ZNF326: variants seen among roughly 807,000 people sequenced by gnomAD.
ZNF326 encodes DBIRD complex subunit ZNF326.
Under a neutral mutation model 63.1 loss-of-function variants are expected in ZNF326, and 30 were observed. That is an observed-to-expected ratio of 0.48 (90% confidence interval 0.36 to 0.64). The LOEUF (loss-of-function observed/expected upper bound fraction) is 0.64, where lower values mean the gene tolerates loss of function less well. Ranked by LOEUF, ZNF326 falls within the 30% of genes least tolerant of loss-of-function variation. The pLI, the probability that ZNF326 is intolerant of heterozygous loss-of-function variation, is 0.00. For synonymous variants in ZNF326, 194 were observed against 228.2 expected, an observed-to-expected ratio of 0.85 and a Z score of 1.35; for missense variants, 609 against 720.3, an observed-to-expected ratio of 0.85 and a Z score of 1.77.
At position 90,027,642 on chromosome 1, in the gene ZNF326, G is replaced by C. The variant is rs138644355; in HGVS notation, c.1690G>C (p.Glu564Gln). 2.7e-5 allele frequency: 43 copies of C among 1,613,954 alleles called. No homozygotes were observed. The highest frequency in any genetic ancestry group is 2.3e-4 in the Admixed American group (14 of 59,982). Residue 564 changes from glutamate to glutamine, a missense_variant, in exon 12 of 12, where the codon GAA becomes CAA. Glu to Gln is a conservative substitution (Grantham distance 29, BLOSUM62 2). This residue lies in a region of ZNF326 where 399 missense variants were observed against 444.3 expected (regional missense o/e 0.90). Coordinates refer to ENST00000340281, the MANE Select transcript of ZNF326 (RefSeq NM_182976.4). ...AGTAGAGGAAGTAGAGGAATTAGAG[G>C]AAGAGACAGCAAAGGAAGAACCTGC... Reference protein sequence around the residue: ...GEVEEVEELEEETAKEEPADF... With the variant: ...GEVEEVEELEQETAKEEPADF...
intron 9 of ZNF326, among the ~76,000 whole-genome samples, chr1:90,019,745 A>C (rs191003514): frequency 2.6e-5 from 4 of 152,210 alleles, no homozygotes; most frequent in African/African-American, 9.6e-5. Context: ...TCTGAACTCT[A>C]GTCTTACACA....
At chr1:90,000,366 T>G (rs1451964582) in intron 2 of ZNF326, among the ~76,000 whole-genome samples, 1 of 152,212 alleles carries the variant, frequency 6.6e-6, no homozygotes, top group Non-Finnish European at 1.5e-5. Flanking sequence ...CATGTTTTCC[T>G]TCTTGCTTCA....
At chr1:90,013,267 C>A in intron 7 of ZNF326, 30 bp downstream of exon 7, 2 of 1,450,238 alleles carry the variant, frequency 1.4e-6, no homozygotes, top group Non-Finnish European at 1.8e-6. Context: ...AAATTAGGTT[C>A]ATTAAAAAAT....
At chr1:90,010,781 A>G (rs1649197815) in intron 6 of ZNF326, among the ~76,000 whole-genome samples, 2 of 152,160 alleles carry the variant, frequency 1.3e-5, no homozygotes, top group African/African-American at 2.4e-5. Flanking sequence ...TGAAATTGCA[A>G]TGTTAGATTC....
At position 90,034,394 on chromosome 1, in the gene ZNF326, A is replaced by G. The variant is rs184707181; in HGVS notation, c.*6693A>G. 2 of 152,352 alleles carry G rather than the reference A, an allele frequency of 1.3e-5. No individual in the cohort carries two copies. Among genetic ancestry groups the G allele is most frequent in the African/African-American group, 2.4e-5 (1 of 41,596 alleles). The allele number at this position is 152,352 out of a possible 1,614,324, so 9.4% of individuals were successfully genotyped here. A position where few individuals can be genotyped will look rare whatever the true frequency, so the allele number is the denominator to read the frequency against. ...TTTATAATCATAGCTACGTATTTGAACACAGCGCTTAGAAATTGTCAGATA... is the reference window on the plus strand; with the variant it reads ...TTTATAATCATAGCTACGTATTTGAGCACAGCGCTTAGAAATTGTCAGATA... On this transcript the variant is annotated 3_prime_UTR_variant, in exon 12 of 12. Transcript: ENST00000340281.
In ZNF326 at chr1:90,034,590, A is replaced by G. The variant is rs1040884685; in HGVS notation, c.*6889A>G. 1 of 152,176 alleles carries G rather than the reference A, an allele frequency of 6.6e-6. No individual in the cohort carries two copies. The highest frequency in any genetic ancestry group is 1.5e-5 in the Non-Finnish European group (1 of 67,994). 9.4% of individuals were successfully genotyped at this position (152,176 alleles called of 1,614,324 possible). A position where few individuals can be genotyped will look rare whatever the true frequency, so the allele number is the denominator to read the frequency against. ...GGGTCCATCCTGTCATCACAATGCA[A>G]TGAAACAAAAAATTAGCAAGTGGAT... is the stretch of plus-strand genomic sequence containing the variant. On this transcript the variant is annotated 3_prime_UTR_variant, in exon 12 of 12. Transcript: ENST00000340281.
intron 4 of ZNF326, chr1:90,005,687 C>A: frequency 1.0e-6 from 1 of 985,108 alleles, no homozygotes; most frequent in Non-Finnish European, 1.2e-6. Flanking sequence ...CTGAACCAGT[C>A]TAACATTTAC....
intron 2 of ZNF326, among the ~76,000 whole-genome samples, chr1:90,003,128 CTTTT>C (rs35203888): frequency 7.3e-6 from 1 of 137,662 alleles, no homozygotes; most frequent in Non-Finnish European, 1.6e-5. Context: ...TCACTTAGTT[CTTTT>C]TTTTTTTTTT....
chr1:90,026,107 G>T (rs1384139940), intron 11 of ZNF326, among the ~76,000 whole-genome samples: 2 of 152,068 alleles, frequency 1.3e-5, no homozygotes, highest in Non-Finnish European at 2.9e-5. Flanking sequence ...GGGACTACAG[G>T]TGCCTGCTAC....
chr1:90,021,093 A>G (rs562791643), intron 10 of ZNF326, among the ~76,000 whole-genome samples, 171 bp downstream of exon 10: 10 of 152,240 alleles, frequency 6.6e-5, no homozygotes, highest in Non-Finnish European at 1.5e-4. Context: ...ACTGAGCTCT[A>G]AAGTAAGACT....
rs772325997 is a variant in ZNF326 at position 90,007,704 on chromosome 1, A to G, written c.569A>G (p.Tyr190Cys). ...YPESTFGSRNYDAFGGPSTGR... is the reference protein window; with the variant it reads ...YPESTFGSRNCDAFGGPSTGR... ...GAAAGTACGTTTGGAAGCAGAAACT[A>G]TGATGCTTTTGGAGGACCATCAACA... The change falls in exon 5 of 12, where the codon TAT (tyrosine) becomes TGT (cysteine). Residue 190 changes from tyrosine to cysteine, a missense_variant. Physicochemically the swap from Tyr to Cys is radical, Grantham distance 194. Transcript: ENST00000340281. The surrounding 1 kb of genome is among the most constrained non-coding windows in gnomAD (Gnocchi z 4.9). The G allele has an allele frequency of 1.3e-6, 2 of 1,516,866 alleles. No individual in the cohort carries two copies. Among genetic ancestry groups the G allele is most frequent in the African/African-American group, 1.4e-5 (1 of 71,636 alleles). 94.0% of individuals were successfully genotyped at this position (1,516,866 alleles called of 1,614,324 possible).
intron 10 of ZNF326, among the ~76,000 whole-genome samples, chr1:90,021,767 A>G (rs1489817447): frequency 2.6e-5 from 4 of 152,088 alleles, no homozygotes; most frequent in Middle Eastern, 3.2e-3. Flanking sequence ...AACACATACA[A>G]TCTTTTCTTA....
intron 2 of ZNF326, among the ~76,000 whole-genome samples, chr1:89,999,034 A>T (rs1648540539): frequency 1.3e-5 from 2 of 152,206 alleles, no homozygotes; most frequent in Admixed American, 1.3e-4. Context: ...ACATATAGGG[A>T]GTTAGTACTG....
rs561976356 is a variant in ZNF326 at position 90,014,904 on chromosome 1, T to A, written c.926+1667T>A. Among the ~76,000 whole-genome samples, 73 of 152,302 alleles carry A rather than the reference T, an allele frequency of 4.8e-4. 1 individual carries two copies. Among genetic ancestry groups the A allele is most frequent in the Admixed American group, 4.3e-3 (66 of 15,306 alleles). Reference sequence around the variant, plus strand: ...TTTTACATTATAAGATGCAATTTTTTAAATTTAATTGCCCTATGAGTACTT... The same window carrying A: ...TTTTACATTATAAGATGCAATTTTTAAAATTTAATTGCCCTATGAGTACTT... On this transcript the variant is annotated intron_variant, in intron 7 of 11. Coordinates refer to ENST00000340281, the MANE Select transcript of ZNF326 (RefSeq NM_182976.4).
At chr1:89,998,305 G>A (rs1648503027) in intron 2 of ZNF326, 151 bp downstream of exon 2, 1 of 659,318 alleles carries the variant, frequency 1.5e-6, no homozygotes, top group South Asian at 2.6e-5. Flanking sequence ...ATTTGAATTG[G>A]GGAATGTGCT....
rs760246265 is a variant in ZNF326, at chr1:89,995,256, C to T, written c.-2C>T. On this transcript the variant is annotated 5_prime_UTR_variant, in exon 1 of 12. Coordinates refer to ENST00000340281, the MANE Select transcript of ZNF326 (RefSeq NM_182976.4). ...CAAGGCCGACGGCCCTCAGCCTCTG[C>T]CATGGACTTCGAGGACGGTAAGCGC... The T allele has an allele frequency of 6.4e-7, 1 of 1,555,668 alleles. No individual in the cohort carries two copies. Among genetic ancestry groups the T allele is most frequent in the Non-Finnish European group, 8.7e-7 (1 of 1,152,728 alleles).
chr1:90,022,125 C>G, intron 10 of ZNF326, 125 bp from the exon 11 acceptor site: 5 of 706,202 alleles, frequency 7.1e-6, no homozygotes, highest in Middle Eastern at 4.0e-4. Flanking sequence ...TGCTATTGCT[C>G]TATAGTTTGT....
chr1:89,995,219 GC>G lies in ZNF326; in HGVS notation c.-37del, dbSNP rs1297931016. The G allele has an allele frequency of 2.6e-6, 4 of 1,538,602 alleles. No homozygotes were observed. Among genetic ancestry groups the G allele is most frequent in the Non-Finnish European group, 3.5e-6 (4 of 1,145,360 alleles). ...GACGCTCGCCGCCGGCCATAGCTCAGCCTAGCGCCGCCAAGGCCGACGGCCC... is the reference window on the plus strand; with the variant it reads ...GACGCTCGCCGCCGGCCATAGCTCAGCTAGCGCCGCCAAGGCCGACGGCCC... On this transcript the variant is annotated 5_prime_UTR_variant, in exon 1 of 12. Transcript: ENST00000340281.
In ZNF326 at chr1:90,029,407, A is replaced by C. The variant is rs1650166747; in HGVS notation, c.*1706A>C. On this transcript the variant is annotated 3_prime_UTR_variant, in exon 12 of 12. Transcript: ENST00000340281. ...GAGAAGGGTAGTTGAAGACTAGATA[A>C]ATTTGGATACTATCTAGGAGTCTGT... The C allele has an allele frequency of 6.6e-6, 1 of 152,126 alleles. No homozygotes were observed. The highest frequency in any genetic ancestry group is 1.5e-5 in the Non-Finnish European group (1 of 68,024). 9.4% of individuals were successfully genotyped at this position (152,126 alleles called of 1,614,324 possible).
Sources: gnomAD v4.1 joint callset for allele counts (sites outside exome capture counted in the v4.1 genomes callset) on GRCh38, gnomAD v4.1.1 for gene constraint, gnomAD v4.1.1 regional missense constraint, Gnocchi (gnomAD v3.1) non-coding constraint, MANE v1.5 for transcripts, NCBI Gene and HGNC (gene_info 2026-07-23, HGNC 2026-07-21) for gene names.